Variants in CAT observed in about 807,000 individuals in gnomAD.
CAT encodes epididymis secretory sperm binding protein.
In CAT, 43 loss-of-function variants were observed where a neutral mutation model predicts 59.0. The ratio of observed to expected loss-of-function variants is 0.73; its 90% CI spans 0.57 to 0.94. The LOEUF (loss-of-function observed/expected upper bound fraction) is 0.94. Ranked by LOEUF, CAT falls within the 40% of genes least tolerant of loss-of-function variation. CAT has a pLI of 0.00. For synonymous variants in CAT, 218 were observed against 230.9 expected (o/e 0.94, Z 0.51); for missense variants, 664 against 682.9 (o/e 0.97, Z 0.31).
chr11:34,471,239 C>A, intron 12 of CAT, 129 bp from the exon 13 acceptor site: 1 of 896,838 alleles, frequency 1.1e-6, no homozygotes, highest in Non-Finnish European at 1.8e-6. Context: ...TAGCGCTGGG[C>A]AATTTAAGAC....
At position 34,460,845 on chromosome 11, in the gene CAT, G is replaced by A; in HGVS notation, c.1057-406G>A. On this transcript the variant is annotated intron_variant, in intron 8 of 12. Transcript: ENST00000241052. ...AGAGCAAATGATTGGTTCCTTCCCT[G>A]GAGTGGGGGAATGAGGAGGAATAGA... The A allele has an allele frequency of 1.1e-5, 3 of 278,274 alleles. No homozygotes were observed. In the South Asian group the frequency reaches 1.1e-4, roughly 11 times the overall value. The allele number at this position is 278,274 out of a possible 1,614,324, so 17.2% of individuals were successfully genotyped here.
chr11:34,461,361 C>T lies in CAT; in HGVS notation c.1167C>T (p.Asp389=), dbSNP rs769217. The T allele has an allele frequency of 0.23, 373,285 of 1,613,666 alleles. 45,593 individuals carry two copies. Among genetic ancestry groups the T allele is most frequent in the East Asian group, 0.45 (20,391 of 44,858 alleles). ...YRARVANYQR[D]GPMCMQDNQG... ...CTCGAGTGGCCAACTACCAGCGTGA[C>T]GGCCCGATGTGCATGCAGGACAATC... The change falls in exon 9 of 13, where the codon GAC becomes GAT. Residue 389 remains aspartate (D), a synonymous_variant. Coordinates refer to ENST00000241052, the MANE Select transcript of CAT (RefSeq NM_001752.4).
At chr11:34,455,531 T>TAA (rs200317429) in intron 6 of CAT, among the ~76,000 whole-genome samples, 31 of 132,810 alleles carry the variant, frequency 2.3e-4, no homozygotes, top group Admixed American at 6.1e-4. Context: ...TATGATTTAT[T>TAA]AAAAAAAAAA....
chr11:34,440,717 C>T (rs1856379171), intron 1 of CAT, among the ~76,000 whole-genome samples: 2 of 152,128 alleles, frequency 1.3e-5, no homozygotes, highest in African/African-American at 2.4e-5. Context: ...TGTCCACCAC[C>T]ACACCCAGCT....
At chr11:34,442,289 T>A (rs1856399962) in intron 1 of CAT, among the ~76,000 whole-genome samples, 1 of 152,214 alleles carries the variant, frequency 6.6e-6, no homozygotes, top group Non-Finnish European at 1.5e-5. Flanking sequence ...AATCTCAACA[T>A]GTATCATGGT....
At chr11:34,449,929 A>G (rs1856502867) in intron 2 of CAT, among the ~76,000 whole-genome samples, 1 of 152,218 alleles carries the variant, frequency 6.6e-6, no homozygotes, top group Admixed American at 6.5e-5. Context: ...GTACAAGGCA[A>G]GAGCCAGCCC....
At chr11:34,446,115 C>T (rs1386116103) in intron 1 of CAT, among the ~76,000 whole-genome samples, 1 of 152,158 alleles carries the variant, frequency 6.6e-6, no homozygotes, top group Non-Finnish European at 1.5e-5. Context: ...CAGTTTAGAT[C>T]AGTTCCTCTT....
intron 4 of CAT, 72 bp downstream of exon 4, chr11:34,452,279 G>C: frequency 6.9e-7 from 1 of 1,449,052 alleles, no homozygotes; most frequent in African/African-American, 1.4e-5. Context: ...GTTGGCATTT[G>C]AGGAGAAGCC....
chr11:34,453,035 C>T (rs1313335920), intron 4 of CAT, 55 bp from the exon 5 acceptor site: 4 of 1,018,966 alleles, frequency 3.9e-6, no homozygotes, highest in African/African-American at 1.6e-5. Context: ...ATGAAAGACA[C>T]CATAATTCCT....
At chr11:34,460,842 C>T in intron 8 of CAT, 3 of 269,228 alleles carry the variant, frequency 1.1e-5, no homozygotes, top group African/African-American at 2.2e-5. Flanking sequence ...TGGTTCCTTC[C>T]CTGGAGTGGG....
At chr11:34,453,317 A>T (rs1439111653) in intron 5 of CAT, 123 bp downstream of exon 5, 1 of 763,496 alleles carries the variant, frequency 1.3e-6, no homozygotes, top group Non-Finnish European at 2.4e-6. Flanking sequence ...AGATTTCTTG[A>T]TCGTGAAGAG....
intron 10 of CAT, among the ~76,000 whole-genome samples, chr11:34,466,007 T>C (rs953309038): frequency 2.5e-4 from 38 of 152,210 alleles, no homozygotes; most frequent in African/African-American, 8.4e-4. Context: ...GTCCAGAAGC[T>C]GAGTGGTGTT....
chr11:34,463,908 G>A (rs17881586), intron 9 of CAT, among the ~76,000 whole-genome samples, 197 bp from the exon 10 acceptor site: 1,696 of 152,280 alleles, frequency 0.011, 15 homozygotes, highest in Non-Finnish European at 0.018. Flanking sequence ...AGATGGCAGC[G>A]TTCCCTAAGA....
intron 5 of CAT, 34 bp downstream of exon 5, chr11:34,453,228 C>A: frequency 8.1e-7 from 1 of 1,232,226 alleles, no homozygotes; most frequent in Non-Finnish European, 1.2e-6. Flanking sequence ...TATTATATCA[C>A]CTGGGATGCA....
At chr11:34,465,359 A>C (rs1205078790) in intron 10 of CAT, among the ~76,000 whole-genome samples, 1 of 152,194 alleles carries the variant, frequency 6.6e-6, no homozygotes, top group Non-Finnish European at 1.5e-5. Context: ...AAGAAATTAC[A>C]TTATTGTGGG....
intron 12 of CAT, 99 bp downstream of exon 12, chr11:34,471,140 T>G: frequency 9.7e-7 from 1 of 1,028,652 alleles, no homozygotes; most frequent in Non-Finnish European, 1.5e-6. Context: ...CAGGGGCCAT[T>G]ACCTGCCACT....
chr11:34,454,565 C>A (rs1856567434), intron 6 of CAT, among the ~76,000 whole-genome samples: 1 of 152,204 alleles, frequency 6.6e-6, no homozygotes, highest in African/African-American at 2.4e-5. Flanking sequence ...TAATCTCTCT[C>A]TTAGTGACAT....
Position 34,464,129 on chromosome 11 carries a change from A to G in CAT, c.1220A>G (p.Asn407Ser), listed in dbSNP as rs1176646030. The G allele has an allele frequency of 1.9e-6, 3 of 1,614,140 alleles. No homozygotes were observed. Among genetic ancestry groups the G allele is most frequent in the Non-Finnish European group, 2.5e-6 (3 of 1,180,016 alleles). ...NQGGAPNYYP[N>S]SFGAPEQQPS... ...GGTGGTGCTCCAAATTACTACCCCAACAGCTTTGGTGCTCCGGAACAACAG... is the reference window on the plus strand; with the variant it reads ...GGTGGTGCTCCAAATTACTACCCCAGCAGCTTTGGTGCTCCGGAACAACAG... The change falls in exon 10 of 13, where the codon AAC becomes AGC. Residue 407 changes from asparagine to serine, a missense_variant. Physicochemically the swap from Asn to Ser is conservative, Grantham distance 46. Transcript: ENST00000241052.
At position 34,461,529 on chromosome 11, in the gene CAT, T is replaced by A. The variant is rs1242600521; in HGVS notation, c.1195+140T>A. 15 of 975,386 alleles carry A rather than the reference T, an allele frequency of 1.5e-5. No homozygotes were observed. The African/African-American group carries it at 2.2e-4, about 15-fold the overall frequency. The allele number at this position is 975,386 out of a possible 1,614,324, so 60.4% of individuals were successfully genotyped here. ...AAGGTGCTCCCCAGGTGCTGCTAAC[T>A]GGGCGCTTTTTTGCCCAGCAGTGAA... On this transcript the variant is annotated intron_variant, in intron 9 of 12. Coordinates refer to ENST00000241052, the MANE Select transcript of CAT (RefSeq NM_001752.4).
Sources: allele counts gnomAD v4.1 joint callset (sites outside exome capture counted in the v4.1 genomes callset), GRCh38; gene constraint gnomAD v4.1.1; transcripts MANE v1.5; gene names NCBI Gene and HGNC (gene_info 2026-07-23, HGNC 2026-07-21).